Variants in C10orf105 observed in about 807,000 individuals in gnomAD.
C10orf105 encodes the protein uncharacterized protein C10orf105.
C10orf105 carries 2 observed loss-of-function variants against 0.6 expected under a neutral mutation model. The ratio of observed to expected loss-of-function variants is 3.18; its 90% CI spans 1.30 to 10.01. C10orf105 has a LOEUF of 10.01. Ranked by LOEUF, C10orf105 falls within the 30% of genes most tolerant of loss-of-function variation. The pLI is 0.04. For missense variants in C10orf105, 209 were observed against 191.4 expected (o/e 1.09, Z -0.54); for synonymous variants, 95 against 82.4 (o/e 1.15, Z -0.83).
chr10:71,737,783 C>T (rs1458782549), exon 1 of C10orf105: 6 of 468,614 alleles, frequency 1.3e-5, no homozygotes, highest in East Asian at 6.9e-5. Flanking sequence ...GCCTCACCCG[C>T]GGCAGGCCTT....
chr10:71,716,186 G>A lies in C10orf105; in HGVS notation c.152C>T (p.Thr51Ile). The A allele has an allele frequency of 6.4e-6, 10 of 1,551,206 alleles. No homozygotes were observed. Among genetic ancestry groups the A allele is most frequent in the Non-Finnish European group, 7.8e-6 (9 of 1,146,854 alleles). ...ALACIFLLLA[T>I]CLLFMTLCKP... ...GCAGAGCGTCATGAACAGCAGACAG[G>A]TGGCCAGCAGGAGGAAGATGCAGGC... The change falls in exon 2 of 2, where the codon ACC becomes ATC. Residue 51 changes from threonine (T) to isoleucine (I), a missense_variant. By Grantham distance (89) the Thr-to-Ile change is moderately conservative (BLOSUM62 -1). Coordinates refer to ENST00000441508, the MANE Select transcript of C10orf105 (RefSeq NM_001164375.3).
intron 1 of C10orf105, chr10:71,730,654 C>A: frequency 6.2e-7 from 1 of 1,605,744 alleles, no homozygotes; most frequent in Non-Finnish European, 8.5e-7. Flanking sequence ...GAGCAAACCT[C>A]CCCAGCTCAC....
chr10:71,712,971 C>G lies in C10orf105; in HGVS notation c.*2965G>C. ...AAGGTGCTGTGGGGAAAGGGGGACC[C>G]AGGCCCTCTCCCATCCCAGGGAGTG... On this transcript the variant is annotated 3_prime_UTR_variant, in exon 2 of 2. Coordinates refer to ENST00000441508, the MANE Select transcript of C10orf105 (RefSeq NM_001164375.3). The G allele has an allele frequency of 1.1e-6, 1 of 880,372 alleles. No individual in the cohort carries two copies. The highest frequency in any genetic ancestry group is 1.5e-5 in the South Asian group (1 of 67,708). 54.5% of individuals were successfully genotyped at this position (880,372 alleles called of 1,614,324 possible).
In C10orf105 at chr10:71,712,261, A is replaced by G. The variant is rs943338168; in HGVS notation, c.*3675T>C. 2 of 175,024 alleles carry G rather than the reference A, an allele frequency of 1.1e-5. No homozygotes were observed. Among genetic ancestry groups the G allele is most frequent in the African/African-American group, 4.7e-5 (2 of 42,200 alleles). 10.8% of individuals were successfully genotyped at this position (175,024 alleles called of 1,614,324 possible). The stretch of plus-strand genomic sequence containing the variant: ...AGGATGATCACTTCTCAAGATCCTT[A>G]ACGTAATTACATTTTCAAAGGCCCT... On this transcript the variant is annotated 3_prime_UTR_variant, in exon 2 of 2. Transcript: ENST00000441508.
In C10orf105 at chr10:71,725,422, C is replaced by T. The variant is rs397517323; in HGVS notation, c.-5-9080G>A. 4 of 1,614,012 alleles carry T rather than the reference C, an allele frequency of 2.5e-6. No individual in the cohort carries two copies. The highest frequency in any genetic ancestry group is 1.7e-5 in the Admixed American group (1 of 60,030). ...CCATGTCAGCAATGGGCTCCTGATG[C>T]GAGGGCCCCGGCCCCTGGACCGGGA... On this transcript the variant is annotated intron_variant, in intron 1 of 1. Transcript: ENST00000398786.
chr10:71,734,525 C>T, intron 1 of C10orf105: 1 of 1,601,214 alleles, frequency 6.2e-7, no homozygotes, highest in Non-Finnish European at 8.5e-7. Context: ...TAGGATGAGA[C>T]CTCAGGCAGG....
intron 1 of C10orf105, among the ~76,000 whole-genome samples, chr10:71,736,196 G>A (rs1338636789): frequency 2.0e-5 from 3 of 152,244 alleles, no homozygotes; most frequent in South Asian, 2.1e-4. Context: ...GCCCTCTTCC[G>A]GTTAGCAGGG....
At position 71,715,910 on chromosome 10, in the gene C10orf105, G is replaced by A; in HGVS notation, c.*26C>T. 6.9e-7 allele frequency: 1 copy of A among 1,446,392 alleles called. No individual in the cohort carries two copies. Among genetic ancestry groups the A allele is most frequent in the Admixed American group, 2.9e-5 (1 of 33,982 alleles). The allele number at this position is 1,446,392 out of a possible 1,614,324, so 89.6% of individuals were successfully genotyped here. On this transcript the variant is annotated 3_prime_UTR_variant, in exon 2 of 2. Transcript: ENST00000441508. ...GATCTACAGGTAGACCTAGGGGGAT[G>A]TGGGGGCATGTTTGTGGACACCCCA...
At chr10:71,734,691 C>T in intron 1 of C10orf105, 1 of 1,354,528 alleles carries the variant, frequency 7.4e-7, no homozygotes, top group Non-Finnish European at 1.0e-6. Flanking sequence ...TTCCCCTGTG[C>T]TGTTGGCTGT....
intron 1 of C10orf105, 76 bp from the exon 2 acceptor site, chr10:71,716,418 T>C (rs1866242186): frequency 1.6e-6 from 2 of 1,232,496 alleles, no homozygotes; most frequent in South Asian, 3.2e-5. Context: ...AAGACTTACC[T>C]AGGGAATGTG....
chr10:71,736,599 C>A (rs1264126472), intron 1 of C10orf105, among the ~76,000 whole-genome samples: 6 of 152,176 alleles, frequency 3.9e-5, no homozygotes, highest in Non-Finnish European at 5.9e-5. Flanking sequence ...GCCTGGGAAC[C>A]TGTCCTCCTT....
chr10:71,728,644 G>A (rs1413389724), intron 1 of C10orf105, among the ~76,000 whole-genome samples: 2 of 152,192 alleles, frequency 1.3e-5, no homozygotes, highest in Non-Finnish European at 2.9e-5. Context: ...TCTGTATGGG[G>A]CATCACAGCC....
chr10:71,718,624 C>T (rs1442777809), intron 1 of C10orf105, among the ~76,000 whole-genome samples: 5 of 152,198 alleles, frequency 3.3e-5, no homozygotes, highest in Non-Finnish European at 7.3e-5. Flanking sequence ...CAATGCTTGG[C>T]CAGGAGTAAG....
intron 1 of C10orf105, among the ~76,000 whole-genome samples, chr10:71,726,653 A>G (rs951827563): frequency 3.9e-5 from 6 of 152,256 alleles, no homozygotes; most frequent in Non-Finnish European, 5.9e-5. Flanking sequence ...GCACATAGCC[A>G]TGCTGGCTTG....
At chr10:71,727,119 A>T (rs1391767314) in intron 1 of C10orf105, among the ~76,000 whole-genome samples, 6 of 152,086 alleles carry the variant, frequency 3.9e-5, no homozygotes, top group Admixed American at 2.0e-4. Flanking sequence ...GTGTACTTTA[A>T]CCTCCGTAAC....
intron 1 of C10orf105, among the ~76,000 whole-genome samples, chr10:71,731,537 G>C (rs771049686): frequency 1.3e-5 from 2 of 152,296 alleles, no homozygotes; most frequent in South Asian, 2.1e-4. Context: ...TAGGGAGTGG[G>C]GAGGATGGGG....
upstream of C10orf105, chr10:71,724,226 G>A: frequency 9.9e-7 from 1 of 1,012,910 alleles, no homozygotes; most frequent in South Asian, 1.4e-5. Context: ...ATATACATGG[G>A]GCGAGGCCAG....
chr10:71,736,030 C>G (rs916209745), intron 1 of C10orf105, among the ~76,000 whole-genome samples: 1 of 152,234 alleles, frequency 6.6e-6, no homozygotes, highest in Non-Finnish European at 1.5e-5. Context: ...GCAGGTGTTG[C>G]GAGAAGGCTG....
intron 1 of C10orf105, among the ~76,000 whole-genome samples, chr10:71,733,668 G>A (rs1839464609): frequency 6.6e-6 from 1 of 152,214 alleles, no homozygotes; most frequent in Non-Finnish European, 1.5e-5. Context: ...TTGGCTGTTA[G>A]GAAGCTCAGA....
Sources: gnomAD v4.1 joint callset for allele counts (sites outside exome capture counted in the v4.1 genomes callset) on GRCh38, gnomAD v4.1.1 for gene constraint, MANE v1.5 for transcripts, NCBI Gene and HGNC (gene_info 2026-07-23, HGNC 2026-07-21) for gene names.